Variants in MACROD2 observed in about 807,000 individuals in gnomAD.
The protein encoded by MACROD2 is ADP-ribose glycohydrolase MACROD2.
In MACROD2, 36 loss-of-function variants were observed where a neutral mutation model predicts 70.4. That is an observed-to-expected ratio of 0.51 (90% CI 0.39 to 0.68). MACROD2 has a LOEUF of 0.68. Ranked by LOEUF, MACROD2 falls within the 30% of genes least tolerant of loss-of-function variation. The pLI is 0.00. For synonymous variants in MACROD2, 172 were observed against 178.8 expected (o/e 0.96, Z 0.30); for missense variants, 496 against 538.4 (o/e 0.92, Z 0.78).
At chr20:15,422,349 T>C (rs1245025398) in intron 6 of MACROD2, among the ~76,000 whole-genome samples, 2 of 152,208 alleles carry the variant, frequency 1.3e-5, no homozygotes, top group Admixed American at 6.5e-5. Flanking sequence ...GTAAGAGAAC[T>C]GTTCTCACTG....
intron 4 of MACROD2, among the ~76,000 whole-genome samples, chr20:14,651,239 T>C (rs1985663698): frequency 6.6e-6 from 1 of 151,756 alleles, no homozygotes; most frequent in African/African-American, 2.4e-5. Context: ...CCGAAGACAG[T>C]GCTTTTATAG....
chr20:15,601,985 G>A (rs2048827557), intron 8 of MACROD2, among the ~76,000 whole-genome samples: 1 of 151,874 alleles, frequency 6.6e-6, no homozygotes, highest in Admixed American at 6.6e-5. Context: ...CCGAGACTGT[G>A]CCACTGCACT....
intron 4 of MACROD2, among the ~76,000 whole-genome samples, chr20:14,612,935 A>G (rs991761495): frequency 1.3e-5 from 2 of 152,122 alleles, no homozygotes; most frequent in Non-Finnish European, 2.9e-5. Flanking sequence ...TCAGGCTTGT[A>G]CTTTATTTCT....
chr20:14,008,562 C>G (rs1269022984), intron 2 of MACROD2, among the ~76,000 whole-genome samples: 1 of 152,136 alleles, frequency 6.6e-6, no homozygotes, highest in Non-Finnish European at 1.5e-5. Flanking sequence ...GGTATAGATT[C>G]AGTACTATTC....
At chr20:14,857,097 A>G (rs973434667) in intron 5 of MACROD2, among the ~76,000 whole-genome samples, 4 of 152,152 alleles carry the variant, frequency 2.6e-5, no homozygotes, top group African/African-American at 9.7e-5. Flanking sequence ...TTTCTCACTC[A>G]AGATTCATCC....
intron 6 of MACROD2, among the ~76,000 whole-genome samples, chr20:15,401,383 C>T (rs894209501): frequency 1.3e-5 from 2 of 152,198 alleles, no homozygotes; most frequent in Non-Finnish European, 2.9e-5. Flanking sequence ...AGCAGAGCAA[C>T]TATCTTTCAC....
chr20:14,057,364 T>C (rs2053642514), intron 2 of MACROD2, among the ~76,000 whole-genome samples: 1 of 152,180 alleles, frequency 6.6e-6, no homozygotes, highest in African/African-American at 2.4e-5. Flanking sequence ...TTGTAATATA[T>C]ATATCTGACA....
intron 3 of MACROD2, among the ~76,000 whole-genome samples, chr20:14,490,464 T>G (rs2084782027): frequency 6.6e-6 from 1 of 152,210 alleles, no homozygotes; most frequent in Admixed American, 6.5e-5. Context: ...AGTTTTGCAT[T>G]GAATCAATCT....
At chr20:14,294,337 A>T (rs1304044465) in intron 3 of MACROD2, among the ~76,000 whole-genome samples, 2 of 150,752 alleles carry the variant, frequency 1.3e-5, no homozygotes, top group African/African-American at 2.5e-5. Flanking sequence ...TAGTTTGTAG[A>T]ATGATTTTTG....
chr20:15,827,633 T>TG (rs35416828), intron 8 of MACROD2, among the ~76,000 whole-genome samples: 1 of 152,092 alleles, frequency 6.6e-6, no homozygotes, highest in East Asian at 1.9e-4. Flanking sequence ...TTTATAGGGA[T>TG]GGGGTTGAGG....
chr20:14,521,649 A>G (rs2085170171), intron 4 of MACROD2, among the ~76,000 whole-genome samples: 2 of 152,208 alleles, frequency 1.3e-5, no homozygotes, highest in African/African-American at 4.8e-5. Context: ...GGTGGTGAGA[A>G]GAATCAGCCT....
chr20:15,428,569 T>C (rs6034186), intron 6 of MACROD2, among the ~76,000 whole-genome samples: 69,212 of 152,016 alleles, frequency 0.46, 15,949 homozygotes, highest in African/African-American at 0.52. Flanking sequence ...AAACACACCT[T>C]GTTAAACTAA....
chr20:14,205,941 G>A (rs6105226), intron 3 of MACROD2, among the ~76,000 whole-genome samples: 79,697 of 152,096 alleles, frequency 0.52, 22,603 homozygotes, highest in Non-Finnish European at 0.62. Context: ...CTTGAGAAAT[G>A]TTGTATAATG....
intron 12 of MACROD2, among the ~76,000 whole-genome samples, chr20:15,957,162 G>A (rs1039130544): frequency 2.0e-5 from 3 of 152,068 alleles, no homozygotes; most frequent in African/African-American, 7.2e-5. Flanking sequence ...GAGGATAATG[G>A]GTAGAAAGGA....
intron 3 of MACROD2, among the ~76,000 whole-genome samples, chr20:14,355,969 G>A (rs554443545): frequency 3.3e-5 from 5 of 152,206 alleles, no homozygotes; most frequent in South Asian, 4.2e-4. Flanking sequence ...ACCCAGCAGG[G>A]CCTGGGGCAG....
intron 3 of MACROD2, among the ~76,000 whole-genome samples, chr20:14,245,955 G>T (rs1413722717): frequency 1.3e-5 from 2 of 152,140 alleles, no homozygotes; most frequent in Non-Finnish European, 2.9e-5. Context: ...ATGTAGTATT[G>T]CAAGTATTGT....
intron 8 of MACROD2, among the ~76,000 whole-genome samples, chr20:15,679,236 CAAAA>C (rs35869757): frequency 9.1e-6 from 1 of 109,338 alleles, no homozygotes. Context: ...GACTCCATCT[CAAAA>C]AAAAAAAAAA....
chr20:14,442,701 T>G (rs942759282), intron 3 of MACROD2, among the ~76,000 whole-genome samples: 1 of 152,010 alleles, frequency 6.6e-6, no homozygotes, highest in Non-Finnish European at 1.5e-5. Flanking sequence ...GCCCAAGCAG[T>G]CAACAGACTA....
At chr20:16,026,714 T>G (rs2067085706) in intron 15 of MACROD2, among the ~76,000 whole-genome samples, 1 of 152,144 alleles carries the variant, frequency 6.6e-6, no homozygotes, top group South Asian at 2.1e-4. Context: ...TGGGAGACAG[T>G]CAAGGAGTTT....
Sources: allele counts gnomAD v4.1 joint callset (sites outside exome capture counted in the v4.1 genomes callset), GRCh38; gene constraint gnomAD v4.1.1; transcripts MANE v1.5; gene names NCBI Gene and HGNC (gene_info 2026-07-23, HGNC 2026-07-21).